Variants in GATA3 observed in about 807,000 individuals in gnomAD.
GATA3 encodes the protein GATA binding protein 3.
Under a neutral mutation model 36.0 loss-of-function variants are expected in GATA3, and 6 were observed. That is an observed-to-expected ratio of 0.17 (90% confidence interval 0.09 to 0.33). GATA3 has a LOEUF of 0.33. GATA3 is among the 10% of genes least tolerant of loss of function. The probability of loss-of-function intolerance (pLI) is 1.00; values close to 1 mark genes in which losing one functional copy is unlikely to be tolerated. For synonymous variants in GATA3, 326 were observed against 273.0 expected, an observed-to-expected ratio of 1.19 and a Z score of -1.92; for missense variants, 514 against 610.1, an observed-to-expected ratio of 0.84 and a Z score of 1.66.
chr10:8,057,576 T>C (rs1832661643), intron 2 of GATA3, among the ~76,000 whole-genome samples: 1 of 152,156 alleles, frequency 6.6e-6, no homozygotes, highest in East Asian at 1.9e-4. Context: ...GCAGAGAAAA[T>C]GGCCATCCCA....
chr10:8,074,276 G>GT lies in GATA3; in HGVS notation c.*254dup. On this transcript the variant is annotated 3_prime_UTR_variant, in exon 6 of 6. Coordinates refer to ENST00000379328, the MANE Select transcript of GATA3 (RefSeq NM_001002295.2). ...CCTATTTAACAGGGTCTCTAGTGCT[G>GT]TGAAAAAAAAAATGCTGAACATTGC... The GT allele has an allele frequency of 2.5e-6, 1 of 407,978 alleles. No homozygotes were observed. Among genetic ancestry groups the GT allele is most frequent in the Non-Finnish European group, 4.1e-6 (1 of 242,166 alleles). The allele number at this position is 407,978 out of a possible 1,614,324, so 25.3% of individuals were successfully genotyped here. A position where few individuals can be genotyped will look rare whatever the true frequency, so the allele number is the denominator to read the frequency against.
Position 8,058,457 on chromosome 10 carries a change from G to T in GATA3, c.394G>T (p.Val132Phe), listed in dbSNP as rs991194737. The T allele has an allele frequency of 6.2e-7, 1 of 1,612,546 alleles. No individual in the cohort carries two copies. The highest frequency in any genetic ancestry group is 8.5e-7 in the Non-Finnish European group (1 of 1,179,870). The change falls in exon 3 of 6, where the codon GTC (valine) becomes TTC (phenylalanine). Residue 132 changes from valine (V) to phenylalanine (F), a missense_variant. Around this residue, in one of 3 missense-constraint regions of GATA3, gnomAD observed 381 missense variants for 354.3 expected, o/e 1.08. Transcript: ENST00000379328. ...CCACGGCTCCCCGGGGCCCCTCTCC[G>T]TCTACCCCCCGGCCTCGTCCTCCTC... ...IHHGSPGPLS[V>F]YPPASSSSLS...
chr10:8,074,097 C>A lies in GATA3; in HGVS notation c.*74C>A. ...CTTTCGACTTGCATTTTTGCAGGAG[C>A]AGTATCATGAAGCCTAAACGCGATG... On this transcript the variant is annotated 3_prime_UTR_variant, in exon 6 of 6. Coordinates refer to ENST00000379328, the MANE Select transcript of GATA3 (RefSeq NM_001002295.2). The A allele has an allele frequency of 6.5e-7, 1 of 1,539,552 alleles. No homozygotes were observed. Among genetic ancestry groups the A allele is most frequent in the Admixed American group, 1.8e-5 (1 of 55,132 alleles).
intron 4 of GATA3, among the ~76,000 whole-genome samples, chr10:8,069,044 T>A (rs1832889322): frequency 6.6e-6 from 1 of 152,222 alleles, no homozygotes; most frequent in Non-Finnish European, 1.5e-5. Context: ...GGGAGTTGTG[T>A]TTGAAAACAA....
chr10:8,064,667 T>G (rs1248478622), intron 4 of GATA3, among the ~76,000 whole-genome samples: 1 of 152,212 alleles, frequency 6.6e-6, no homozygotes, highest in Non-Finnish European at 1.5e-5. Flanking sequence ...TGGAGCTGAT[T>G]AAATGAATTT....
At chr10:8,061,066 G>GCTCTCTCTCTCTCTCTCTCTCT (rs111353803) in intron 3 of GATA3, among the ~76,000 whole-genome samples, 2 of 149,044 alleles carry the variant, frequency 1.3e-5, no homozygotes, top group African/African-American at 2.5e-5. Flanking sequence ...TTTAGTGGTT[G>GCTCTCTCTCTCTCTCTCTCTCT]CTCTCTCTCT....
At chr10:8,061,416 AT>A (rs1832746929) in intron 3 of GATA3, among the ~76,000 whole-genome samples, 2 of 152,096 alleles carry the variant, frequency 1.3e-5, no homozygotes, top group Admixed American at 1.3e-4. Context: ...AGCAAGAGGC[AT>A]TTGCCAGCAG....
chr10:8,071,333 C>T (rs543075944), intron 5 of GATA3, among the ~76,000 whole-genome samples: 1 of 152,078 alleles, frequency 6.6e-6, no homozygotes, highest in South Asian at 2.1e-4. Context: ...AGGGAATGCT[C>T]TCTTTTTTTA....
At chr10:8,051,184 T>C, upstream of GATA3, 1 of 470,368 alleles carries the variant, frequency 2.1e-6, no homozygotes, top group South Asian at 1.6e-5. Flanking sequence ...CGTGGGCATG[T>C]GTTTGGGGGT....
intron 1 of GATA3, among the ~76,000 whole-genome samples, chr10:8,047,112 CA>C (rs1385889895): frequency 6.6e-6 from 1 of 152,184 alleles, no homozygotes; most frequent in South Asian, 2.1e-4. Flanking sequence ...TGGGGACAGT[CA>C]GGGGCGCAGA....
At chr10:8,051,018 TC>T (rs756828936), upstream of GATA3, 6 of 518,104 alleles carry the variant, frequency 1.2e-5, no homozygotes, top group Non-Finnish European at 2.4e-5. Flanking sequence ...CGCGAGCATC[TC>T]CGCGCCCTGG....
intron 4 of GATA3, among the ~76,000 whole-genome samples, chr10:8,067,215 G>A (rs1832856347): frequency 6.6e-6 from 1 of 152,182 alleles, no homozygotes; most frequent in Non-Finnish European, 1.5e-5. Context: ...GGTTAGATCA[G>A]CACTCATGGA....
At chr10:8,056,196 G>C (rs1832634364) in intron 2 of GATA3, among the ~76,000 whole-genome samples, 1 of 152,094 alleles carries the variant, frequency 6.6e-6, no homozygotes, top group South Asian at 2.1e-4. Context: ...GCAGGTTTTG[G>C]GGTGGGGGGT....
At position 8,058,315 on chromosome 10, in the gene GATA3, G is replaced by C; in HGVS notation, c.252G>C (p.Val84=). ...CCCGTTGCCCCACAGGGAGCCAGGT[G>C]TGCCGCCCGCCTCTGCTTCATGGAT... is the stretch of plus-strand genomic sequence containing the variant. ...RYPPTHHGSQ[V]CRPPLLHGSL... Residue 84 remains valine, a synonymous_variant, in exon 3 of 6, where the codon GTG becomes GTC. Transcript: ENST00000379328. 6.2e-7 allele frequency: 1 copy of C among 1,613,460 alleles called. No individual in the cohort carries two copies. Among genetic ancestry groups the C allele is most frequent in the African/African-American group, 1.3e-5 (1 of 75,024 alleles).
upstream of GATA3, chr10:8,053,701 C>G (rs1012541466): frequency 6.6e-6 from 1 of 152,302 alleles, no homozygotes; most frequent in East Asian, 1.9e-4. The surrounding 1 kb of genome is among the most constrained non-coding windows in gnomAD (Gnocchi z 5.1). Context: ...CGTGGAGTCC[C>G]GACCAGAGGC....
chr10:8,058,387 C>G lies in GATA3; in HGVS notation c.324C>G (p.Thr108=). The G allele has an allele frequency of 3.1e-6, 5 of 1,612,824 alleles. No homozygotes were observed. The highest frequency in any genetic ancestry group is 4.2e-6 in the Non-Finnish European group (5 of 1,179,974). The change falls in exon 3 of 6, where the codon ACC becomes ACG. Residue 108 remains threonine (T), a synonymous_variant. Coordinates refer to ENST00000379328, the MANE Select transcript of GATA3 (RefSeq NM_001002295.2). ...DGGKALGSHH[T]ASPWNLSPFS... Reference sequence around the variant, plus strand: ...GCAAAGCCCTGGGCAGCCACCACACCGCCTCCCCCTGGAATCTCAGCCCCT... The same window carrying G: ...GCAAAGCCCTGGGCAGCCACCACACGGCCTCCCCCTGGAATCTCAGCCCCT...
intron 2 of GATA3, among the ~76,000 whole-genome samples, chr10:8,057,942 T>G (rs1451954876): frequency 2.0e-5 from 3 of 152,090 alleles, no homozygotes; most frequent in Admixed American, 2.0e-4. Context: ...CAAGTCAGGT[T>G]CTAGAGAGAG....
At chr10:8,073,144 CAAAAAA>C (rs11335485) in intron 5 of GATA3, among the ~76,000 whole-genome samples, 16 of 69,980 alleles carry the variant, frequency 2.3e-4, no homozygotes, top group African/African-American at 3.6e-4. Flanking sequence ...GACTTCGTCT[CAAAAAA>C]AAAAAAAAAA....
chr10:8,051,004 C>T (rs377636359), upstream of GATA3: 4 of 506,316 alleles, frequency 7.9e-6, no homozygotes, highest in South Asian at 2.9e-5. Flanking sequence ...GTGGGTGGCC[C>T]GGCCGCGAGC....
Sources: allele counts gnomAD v4.1 joint callset (sites outside exome capture counted in the v4.1 genomes callset), GRCh38; gene constraint gnomAD v4.1.1; regional missense constraint gnomAD v4.1.1; non-coding constraint Gnocchi (gnomAD v3.1); transcripts MANE v1.5; gene names NCBI Gene and HGNC (gene_info 2026-07-23, HGNC 2026-07-21).